The following CHODL variants were observed in gnomAD, a reference collection of about 807,000 sequenced individuals.
CHODL encodes chondrolectin, also known as transmembrane protein MT75.
CHODL carries 29 observed loss-of-function variants against 34.5 expected under a neutral mutation model. That is an observed-to-expected ratio of 0.84 (90% CI 0.63 to 1.15). CHODL has a LOEUF of 1.15. Ranked by LOEUF, CHODL falls within the 50% of genes most tolerant of loss-of-function variation. CHODL has a pLI of 0.00. For missense variants in CHODL, 332 were observed against 332.5 expected, an observed-to-expected ratio of 1.00 and a Z score of 0.01; for synonymous variants, 125 against 116.1, an observed-to-expected ratio of 1.08 and a Z score of -0.49.
intron 2 of CHODL, among the ~76,000 whole-genome samples, chr21:18,139,185 T>C (rs533711360): frequency 9.7e-4 from 148 of 152,088 alleles, no homozygotes; most frequent in Non-Finnish European, 1.9e-3. Context: ...TAAGCACAGT[T>C]GAATCTCACG....
At chr21:18,128,774 A>G (rs983316689) in intron 2 of CHODL, among the ~76,000 whole-genome samples, 1 of 152,160 alleles carries the variant, frequency 6.6e-6, no homozygotes, top group African/African-American at 2.4e-5. Context: ...GTATATCATA[A>G]TCTCTTATAC....
intron 1 of CHODL, among the ~76,000 whole-genome samples, chr21:17,945,208 T>C (rs1446192159): frequency 2.7e-5 from 1 of 36,722 alleles, no homozygotes; most frequent in Non-Finnish European, 4.7e-5. Flanking sequence ...CGAGACTCTG[T>C]TAAAAAAAAA....
chr21:17,950,496 C>T (rs2063447081), intron 1 of CHODL, among the ~76,000 whole-genome samples: 1 of 86,536 alleles, frequency 1.2e-5, no homozygotes, highest in Non-Finnish European at 2.2e-5. Flanking sequence ...CCTAGATACA[C>T]AACACACACA....
At chr21:17,923,084 A>C (rs2063194962) in intron 1 of CHODL, among the ~76,000 whole-genome samples, 1 of 151,712 alleles carries the variant, frequency 6.6e-6, no homozygotes, top group African/African-American at 2.4e-5. Context: ...CCTCCAAAGA[A>C]GGCAATGAGA....
intron 2 of CHODL, among the ~76,000 whole-genome samples, chr21:18,155,806 T>C (rs1256524412): frequency 6.6e-6 from 1 of 152,182 alleles, no homozygotes; most frequent in Non-Finnish European, 1.5e-5. Context: ...TTCAGTCTAG[T>C]GAGGAGGCTA....
chr21:18,042,920 TG>T lies in CHODL; in HGVS notation c.-45+14950del, dbSNP rs779087026. On this transcript the variant is annotated intron_variant, in intron 2 of 6. Coordinates refer to the CHODL transcript ENST00000400127. ...GGTCATGTTCTGGCCATTTTTTTTT[TG>T]TTAACTAATTCAAAATACCTTTATG... Among the ~76,000 whole-genome samples the T allele has an allele frequency of 3.7e-4, 57 of 152,088 alleles. 1 individual carries two copies. The East Asian group carries it at 5.1e-3, about 14-fold the overall frequency.
intron 1 of CHODL, among the ~76,000 whole-genome samples, chr21:17,970,417 G>A (rs1262303175): frequency 1.3e-5 from 2 of 152,088 alleles, no homozygotes; most frequent in African/African-American, 4.8e-5. Flanking sequence ...CTGTAATAAG[G>A]AAGGTGTTTG....
At chr21:18,056,628 C>T (rs1006747149) in intron 2 of CHODL, among the ~76,000 whole-genome samples, 1 of 151,898 alleles carries the variant, frequency 6.6e-6, no homozygotes, top group Non-Finnish European at 1.5e-5. Flanking sequence ...GTGAGACATC[C>T]TGCACTGTAC....
At chr21:18,164,348 A>G (rs2073129625) in intron 2 of CHODL, among the ~76,000 whole-genome samples, 1 of 152,256 alleles carries the variant, frequency 6.6e-6, no homozygotes, top group Non-Finnish European at 1.5e-5. Flanking sequence ...AAAAAATTGC[A>G]GTGGCACTTT....
At chr21:17,967,384 A>G (rs1047587215) in intron 1 of CHODL, among the ~76,000 whole-genome samples, 1 of 152,166 alleles carries the variant, frequency 6.6e-6, no homozygotes, top group Non-Finnish European at 1.5e-5. Context: ...TTTACTTAAA[A>G]ACACATTCTT....
chr21:18,223,432 G>A (rs979612143), intron 2 of CHODL, among the ~76,000 whole-genome samples: 17 of 152,262 alleles, frequency 1.1e-4, no homozygotes, highest in African/African-American at 4.1e-4. Flanking sequence ...TAGGAGAAAT[G>A]GTCCATGAAA....
intron 1 of CHODL, among the ~76,000 whole-genome samples, chr21:17,943,484 T>G (rs1410731698): frequency 2.6e-5 from 4 of 152,156 alleles, no homozygotes; most frequent in Non-Finnish European, 5.9e-5. Context: ...AGTGATAGCT[T>G]GAAAGAAAAT....
At chr21:18,128,537 A>T (rs183439733) in intron 2 of CHODL, among the ~76,000 whole-genome samples, 1 of 152,208 alleles carries the variant, frequency 6.6e-6, no homozygotes. Flanking sequence ...TGAAAATCCA[A>T]AGAAAGTACA....
At chr21:18,162,576 C>T (rs1013223303) in intron 2 of CHODL, among the ~76,000 whole-genome samples, 1 of 152,094 alleles carries the variant, frequency 6.6e-6, no homozygotes, top group African/African-American at 2.4e-5. Context: ...TACTTAATTA[C>T]ATCTGCAATG....
intron 2 of CHODL, among the ~76,000 whole-genome samples, chr21:18,140,019 T>TGTA (rs2072782483): frequency 2.0e-5 from 3 of 152,334 alleles, no homozygotes; most frequent in South Asian, 4.1e-4. Flanking sequence ...CTTATTGTAC[T>TGTA]ATTCCATCTT....
At chr21:18,232,668 C>A (rs1286721210) in intron 2 of CHODL, among the ~76,000 whole-genome samples, 1 of 151,808 alleles carries the variant, frequency 6.6e-6, no homozygotes, top group Non-Finnish European at 1.5e-5. Flanking sequence ...CTATATCTAA[C>A]CTTAAACCAT....
At chr21:18,094,963 A>T (rs752233400) in intron 2 of CHODL, among the ~76,000 whole-genome samples, 5 of 151,932 alleles carry the variant, frequency 3.3e-5, no homozygotes, top group Non-Finnish European at 5.9e-5. Flanking sequence ...ATCTCTACTA[A>T]AAATAAAAAA....
At position 18,125,588 on chromosome 21, in the gene CHODL, TTTAA is replaced by T. The variant is rs199942281; in HGVS notation, c.-45+97636_-45+97639del. Among the ~76,000 whole-genome samples, 1,104 of 152,068 alleles carry T rather than the reference TTTAA, an allele frequency of 7.3e-3. 5 individuals carry two copies. Among genetic ancestry groups the T allele is most frequent in the Non-Finnish European group, 0.011 (762 of 67,990 alleles). On this transcript the variant is annotated intron_variant, in intron 2 of 6. Transcript: ENST00000400127. ...AATTTAATTAATTGTATTAATTACA[TTTAA>T]TTAATTAATTAATTAATTTTTGAGA... is the stretch of plus-strand genomic sequence containing the variant.
At chr21:18,010,956 A>C (rs2064013534) in intron 1 of CHODL, among the ~76,000 whole-genome samples, 1 of 152,204 alleles carries the variant, frequency 6.6e-6, no homozygotes, top group South Asian at 2.1e-4. Context: ...ACCACTTTCT[A>C]ATACTCTTAG....
Sources: gnomAD v4.1 joint callset for allele counts (sites outside exome capture counted in the v4.1 genomes callset) on GRCh38, gnomAD v4.1.1 for gene constraint, MANE v1.5 for transcripts, NCBI Gene and HGNC (gene_info 2026-07-23, HGNC 2026-07-21) for gene names.